Variants in PCDHA11 observed in about 807,000 individuals in gnomAD.
The protein encoded by PCDHA11 is protocadherin alpha-11.
A neutral mutation model predicts 70.3 loss-of-function variants in PCDHA11; 61 were observed. That is an observed-to-expected ratio of 0.87 (90% CI 0.71 to 1.07). The LOEUF is 1.07. Ranked by LOEUF, PCDHA11 falls within the 50% of genes least tolerant of loss-of-function variation. The probability of loss-of-function intolerance (pLI) is 0.00; values close to 1 mark genes in which losing one functional copy is unlikely to be tolerated. For missense variants in PCDHA11, 1,324 were observed against 1,237.5 expected (o/e 1.07, Z -1.05); for synonymous variants, 633 against 555.1 (o/e 1.14, Z -1.97).
At chr5:140,883,570 G>T (rs1554178743) in intron 1 of PCDHA11, 1 of 1,614,098 alleles carries the variant, frequency 6.2e-7, no homozygotes, top group South Asian at 1.1e-5. Context: ...GCTCGCCTTC[G>T]CTGTGGGCCA....
At chr5:140,941,215 C>CTTTCTTTCTTTCTTTG (rs2092887387) in intron 1 of PCDHA11, among the ~76,000 whole-genome samples, 2 of 104,510 alleles carry the variant, frequency 1.9e-5, no homozygotes, top group Non-Finnish European at 4.1e-5. Context: ...TTCTTTCTTC[C>CTTTCTTTCTTTCTTTG]TTTCTTTCTT....
intron 1 of PCDHA11, among the ~76,000 whole-genome samples, chr5:140,912,343 A>ATT (rs35252606): frequency 2.1e-4 from 30 of 143,908 alleles, no homozygotes; most frequent in African/African-American, 6.1e-4. Context: ...TACACTAAGT[A>ATT]TTTTTTTTTT....
intron 1 of PCDHA11, among the ~76,000 whole-genome samples, chr5:140,885,154 T>C (rs1483016887): frequency 2.0e-5 from 3 of 152,168 alleles, no homozygotes; most frequent in African/African-American, 7.2e-5. Context: ...GTTTTGATTG[T>C]CTCTACTTTT....
At chr5:140,993,917 A>G (rs779939413) in intron 3 of PCDHA11, among the ~76,000 whole-genome samples, 1 of 152,190 alleles carries the variant, frequency 6.6e-6, no homozygotes, top group Admixed American at 6.5e-5. Flanking sequence ...CTAGTGATGC[A>G]TTTCTCAGAA....
chr5:140,951,046 TA>T (rs1414168325), intron 1 of PCDHA11, among the ~76,000 whole-genome samples: 1 of 152,138 alleles, frequency 6.6e-6, no homozygotes, highest in Non-Finnish European at 1.5e-5. Context: ...ATTATATTTT[TA>T]TTGCTAAAAT....
chr5:140,954,842 T>C (rs1483926115), intron 1 of PCDHA11, among the ~76,000 whole-genome samples: 1 of 152,252 alleles, frequency 6.6e-6, no homozygotes, highest in Non-Finnish European at 1.5e-5. Flanking sequence ...ATGAAATCTT[T>C]GCCTGTGCCT....
chr5:140,927,733 C>T (rs782446148), intron 1 of PCDHA11: 7 of 1,614,198 alleles, frequency 4.3e-6, no homozygotes, highest in South Asian at 2.2e-5. Context: ...AGCAGAGCTG[C>T]GACACCGCTT....
At chr5:140,996,495 G>A (rs2097728470) in intron 3 of PCDHA11, among the ~76,000 whole-genome samples, 2 of 152,156 alleles carry the variant, frequency 1.3e-5, no homozygotes, top group South Asian at 4.1e-4. Context: ...GGCAAGTCTG[G>A]CTTCTTGGGG....
Position 140,925,879 on chromosome 5 carries a change from C to A in PCDHA11, c.2392-53070C>A, listed in dbSNP as rs138501139. Reference sequence around the variant, plus strand: ...GTTATTGCTATTGACTGGTTTATAACCTCCTCTTTCACCCAGATCGTCAAG... The same window carrying A: ...GTTATTGCTATTGACTGGTTTATAAACTCCTCTTTCACCCAGATCGTCAAG... On this transcript the variant is annotated intron_variant, in intron 1 of 3. Coordinates refer to ENST00000398640, the MANE Select transcript of PCDHA11 (RefSeq NM_018902.5). Among the ~76,000 whole-genome samples, 60 of 152,212 alleles carry A rather than the reference C, an allele frequency of 3.9e-4. No individual in the cohort carries two copies. In the East Asian group the frequency reaches 7.4e-3, roughly 19 times the overall value.
In PCDHA11 at chr5:140,870,806, A is replaced by C. The variant is rs546684407; in HGVS notation, c.1703A>C (p.Gln568Pro). ...AACGCGCCGGCACTGCTGGCGACTC[A>C]GGCTGGCAGCGCGGGAGGCGCAGTT... Reference protein sequence around the residue: ...NDNAPALLATQAGSAGGAVNK... With the variant: ...NDNAPALLATPAGSAGGAVNK... The change falls in exon 1 of 4, where the codon CAG becomes CCG. Residue 568 changes from glutamine (Q) to proline (P), a missense_variant. By Grantham distance (76) the Gln-to-Pro change is moderately conservative (BLOSUM62 -1). Transcript: ENST00000398640. The C allele has an allele frequency of 6.2e-6, 10 of 1,613,686 alleles. No homozygotes were observed. The highest frequency in any genetic ancestry group is 5.0e-5 in the Admixed American group (3 of 60,020).
At chr5:140,953,228 G>C (rs2094861370) in intron 1 of PCDHA11, among the ~76,000 whole-genome samples, 2 of 152,124 alleles carry the variant, frequency 1.3e-5, no homozygotes, top group African/African-American at 4.8e-5. Context: ...CTTCTGCTTG[G>C]TAGCAGTTCA....
rs868965340 is a variant in PCDHA11, at chr5:141,007,276, G to A, written c.2540-2351G>A. On this transcript the variant is annotated intron_variant, in intron 3 of 3. Transcript: ENST00000398640. ...TAAAAGAAGCAGATACAGGCTGGGT[G>A]CAGTGGGCTCATGCCTGTAATCTTA... Among the ~76,000 whole-genome samples the A allele has an allele frequency of 3.3e-5, 5 of 151,858 alleles. No homozygotes were observed. In the South Asian group the frequency reaches 8.3e-4, roughly 25 times the overall value.
chr5:140,912,322 G>A (rs1050946341), intron 1 of PCDHA11, among the ~76,000 whole-genome samples: 10 of 149,938 alleles, frequency 6.7e-5, no homozygotes, highest in African/African-American at 1.7e-4. Flanking sequence ...TTGACCCTCA[G>A]TATTAACCAG....
rs548394870 is a variant in PCDHA11 at position 140,927,042 on chromosome 5, G to A, written c.2392-51907G>A. ...ACTTGAGGCTGCCAGCGGCCGCTATGTCCTCGCGGAACTTTCGCTTCCTTT... is the reference window on the plus strand; with the variant it reads ...ACTTGAGGCTGCCAGCGGCCGCTATATCCTCGCGGAACTTTCGCTTCCTTT... On this transcript the variant is annotated intron_variant, in intron 1 of 3. Transcript: ENST00000398640. The A allele has an allele frequency of 1.4e-4, 226 of 1,612,386 alleles. 8 individuals are homozygous for A. The South Asian group carries it at 2.4e-3, about 17-fold the overall frequency.
At chr5:141,007,985 A>C (rs2153994605) in intron 3 of PCDHA11, among the ~76,000 whole-genome samples, 1 of 152,322 alleles carries the variant, frequency 6.6e-6, no homozygotes, top group South Asian at 2.1e-4. Context: ...TGTATATATG[A>C]AATGTACATG....
At chr5:140,906,253 A>C (rs1049653184) in intron 1 of PCDHA11, among the ~76,000 whole-genome samples, 5 of 152,064 alleles carry the variant, frequency 3.3e-5, no homozygotes, top group South Asian at 2.1e-4. Flanking sequence ...ACCCATACAC[A>C]CCTCCTGAAA....
In PCDHA11 at chr5:140,870,089, T is replaced by A. The variant is rs782364525; in HGVS notation, c.986T>A (p.Met329Lys). 1 of 1,613,914 alleles carries A rather than the reference T, an allele frequency of 6.2e-7. No individual in the cohort carries two copies. The highest frequency in any genetic ancestry group is 1.7e-5 in the Admixed American group (1 of 60,032). ...VQATDKGTPPMAGHCTVWVEI... is the reference protein window; with the variant it reads ...VQATDKGTPPKAGHCTVWVEI... ...GCTACAGATAAGGGGACTCCCCCAATGGCAGGTCACTGTACAGTCTGGGTG... is the reference window on the plus strand; with the variant it reads ...GCTACAGATAAGGGGACTCCCCCAAAGGCAGGTCACTGTACAGTCTGGGTG... Residue 329 changes from methionine to lysine, a missense_variant, in exon 1 of 4, where the codon ATG (methionine) becomes AAG (lysine). Physicochemically the swap from Met to Lys is moderately conservative, Grantham distance 95. Transcript: ENST00000398640.
At chr5:141,006,085 C>T (rs1588120524) in intron 3 of PCDHA11, among the ~76,000 whole-genome samples, 1 of 148,094 alleles carries the variant, frequency 6.8e-6, no homozygotes, top group African/African-American at 2.5e-5. Context: ...ATTGAAGGGA[C>T]TTATGTATCA....
Position 140,898,031 on chromosome 5 carries a change from G to C in PCDHA11, c.2391+26537G>C, listed in dbSNP as rs550093815. Among the ~76,000 whole-genome samples, 156 of 152,112 alleles carry C rather than the reference G, an allele frequency of 1.0e-3. No individual in the cohort carries two copies. The South Asian group carries it at 0.016, about 16-fold the overall frequency. ...CATATCCTTTGCCCACTTTTTGATG[G>C]GGTTGTTTGTTTTTTTCTTGTAAAT... On this transcript the variant is annotated intron_variant, in intron 1 of 3. Coordinates refer to ENST00000398640, the MANE Select transcript of PCDHA11 (RefSeq NM_018902.5).
Sources: allele counts gnomAD v4.1 joint callset (sites outside exome capture counted in the v4.1 genomes callset), GRCh38; gene constraint gnomAD v4.1.1; transcripts MANE v1.5; gene names NCBI Gene and HGNC (gene_info 2026-07-23, HGNC 2026-07-21).